Variants in PTPRN2 observed in about 807,000 individuals in gnomAD.
The protein encoded by PTPRN2 is protein tyrosine phosphatase receptor type N2.
In PTPRN2, 74 loss-of-function variants were observed where a neutral mutation model predicts 118.8. The ratio of observed to expected loss-of-function variants is 0.62; its 90% CI spans 0.52 to 0.76. The LOEUF (loss-of-function observed/expected upper bound fraction) is 0.76, where lower values mean the gene tolerates loss of function less well. Ranked by LOEUF, PTPRN2 falls within the 30% of genes least tolerant of loss-of-function variation. PTPRN2 has a pLI of 0.00. For missense variants in PTPRN2, 1,481 were observed against 1,394.4 expected (o/e 1.06, Z -0.99); for synonymous variants, 641 against 608.0 (o/e 1.05, Z -0.80).
chr7:158,523,627 C>CGTCTGCCCTGG (rs1824451155), intron 1 of PTPRN2, among the ~76,000 whole-genome samples: 4 of 117,894 alleles, frequency 3.4e-5, no homozygotes, highest in Non-Finnish European at 6.9e-5. Context: ...GGAGTGGAGT[C>CGTCTGCCCTGG]ATCTGCCCTG....
intron 10 of PTPRN2, among the ~76,000 whole-genome samples, chr7:158,101,502 A>G (rs150549347): frequency 6.6e-5 from 10 of 152,362 alleles, no homozygotes; most frequent in African/African-American, 1.9e-4. Flanking sequence ...AAATGCAACA[A>G]AAACAATGAT....
chr7:158,139,499 G>T (rs565426950), intron 6 of PTPRN2, among the ~76,000 whole-genome samples: 1 of 151,936 alleles, frequency 6.6e-6, no homozygotes, highest in Non-Finnish European at 1.5e-5. Context: ...GCACGGGGGG[G>T]TGGGAAAGGA....
chr7:157,783,018 G>A (rs533454483), intron 12 of PTPRN2, among the ~76,000 whole-genome samples: 3 of 152,158 alleles, frequency 2.0e-5, no homozygotes, highest in Non-Finnish European at 4.4e-5. Flanking sequence ...GATACCCCAT[G>A]CTGTTCTCAT....
chr7:157,837,205 C>A (rs112712725), intron 12 of PTPRN2, among the ~76,000 whole-genome samples: 104 of 141,948 alleles, frequency 7.3e-4, no homozygotes, highest in African/African-American at 2.7e-3. Flanking sequence ...CCACTCACTA[C>A]CACCTGTCCA....
intron 2 of PTPRN2, among the ~76,000 whole-genome samples, chr7:158,332,227 T>C (rs12539645): frequency 9.8e-6 from 1 of 102,366 alleles, no homozygotes; most frequent in Non-Finnish European, 2.0e-5. Flanking sequence ...CCACACTCTG[T>C]CCATAAGAGC....
chr7:158,449,225 A>C (rs1328343169), intron 2 of PTPRN2, among the ~76,000 whole-genome samples: 1 of 152,218 alleles, frequency 6.6e-6, no homozygotes, highest in Non-Finnish European at 1.5e-5. Context: ...GTCTCCAATG[A>C]CAGATACCAA....
chr7:158,406,041 CCG>C, intron 2 of PTPRN2, among the ~76,000 whole-genome samples: 1 of 141,182 alleles, frequency 7.1e-6, no homozygotes, highest in Non-Finnish European at 1.5e-5. Context: ...GGTGGCTCAT[CCG>C]TGAGACACGT....
chr7:158,004,905 G>C (rs368178479), intron 11 of PTPRN2, among the ~76,000 whole-genome samples: 1 of 152,088 alleles, frequency 6.6e-6, no homozygotes, highest in African/African-American at 2.4e-5. Context: ...AAACCTCTTA[G>C]GGTATGAAGT....
chr7:158,020,625 T>C (rs1806804365), intron 11 of PTPRN2, among the ~76,000 whole-genome samples: 1 of 152,128 alleles, frequency 6.6e-6, no homozygotes, highest in African/African-American at 2.4e-5. Context: ...CCCACCATGT[T>C]GGGGGTAAAA....
intron 2 of PTPRN2, among the ~76,000 whole-genome samples, chr7:158,393,101 C>T (rs1285308700): frequency 6.6e-6 from 1 of 152,076 alleles, no homozygotes; most frequent in African/African-American, 2.4e-5. Context: ...CCCAGGTGGC[C>T]CTGGTCTTAC....
At chr7:157,693,009 C>T (rs1797589411) in intron 12 of PTPRN2, among the ~76,000 whole-genome samples, 1 of 151,934 alleles carries the variant, frequency 6.6e-6, no homozygotes, top group Non-Finnish European at 1.5e-5. Flanking sequence ...CGTCCCCAGC[C>T]AGGCTCCAGG....
intron 12 of PTPRN2, among the ~76,000 whole-genome samples, chr7:157,820,083 T>G (rs866439030): frequency 6.7e-6 from 1 of 149,436 alleles, no homozygotes; most frequent in Admixed American, 6.7e-5. Context: ...ACAATGTATA[T>G]GCACACACAC....
chr7:158,275,049 T>A (rs376976560), intron 3 of PTPRN2, among the ~76,000 whole-genome samples: 55 of 152,284 alleles, frequency 3.6e-4, no homozygotes, highest in African/African-American at 1.3e-3. Context: ...AGCTGCCTTC[T>A]GAGGGTAAAG....
chr7:157,685,307 C>T (rs917747742), intron 12 of PTPRN2, among the ~76,000 whole-genome samples: 4 of 151,998 alleles, frequency 2.6e-5, no homozygotes, highest in Non-Finnish European at 5.9e-5. Flanking sequence ...TGGATGACTG[C>T]GCCCGGGAAC....
intron 2 of PTPRN2, among the ~76,000 whole-genome samples, chr7:158,388,255 G>T (rs553105051): frequency 4.3e-4 from 66 of 152,208 alleles, no homozygotes; most frequent in African/African-American, 1.5e-3. Flanking sequence ...GGGAAGCCAC[G>T]GTTCACGTCA....
rs1797427683 is a variant in PTPRN2 at position 157,690,592 on chromosome 7, T to G, written c.1789-7655A>C. The stretch of plus-strand genomic sequence containing the variant: ...CGCCCAGCGCCCGCGCGGGAGGAGG[T>G]GGGGGCGTGCGCCGGGCCGAGCGGC... On this transcript the variant is annotated intron_variant, in intron 12 of 22. Coordinates refer to ENST00000389418, the MANE Select transcript of PTPRN2 (RefSeq NM_002847.5). The surrounding 1 kb of genome is among the most constrained non-coding windows in gnomAD (Gnocchi z 7.1). Among the ~76,000 whole-genome samples, 1 of 150,032 alleles carries G rather than the reference T, an allele frequency of 6.7e-6. No homozygotes were observed. Among genetic ancestry groups the G allele is most frequent in the Admixed American group, 6.6e-5 (1 of 15,126 alleles).
At chr7:158,321,108 G>A (rs1454740076) in intron 2 of PTPRN2, among the ~76,000 whole-genome samples, 3 of 138,352 alleles carry the variant, frequency 2.2e-5, no homozygotes, top group Admixed American at 1.4e-4. Context: ...CTCCGGAGTC[G>A]GGACGCCAGG....
rs528233917 is a variant in PTPRN2, at chr7:157,619,845, C to T, written c.2344+1517G>A. On this transcript the variant is annotated intron_variant, in intron 15 of 22. Coordinates refer to ENST00000389418, the MANE Select transcript of PTPRN2 (RefSeq NM_002847.5). This position sits in a 1 kb window ranked among gnomAD's most constrained non-coding sequence, Gnocchi z 5.3. ...GGCGTGGGGGGCTGTGCTGCTGGTACGGGGACAGGCGGTGTCTCAGGGACA... is the reference window on the plus strand; with the variant it reads ...GGCGTGGGGGGCTGTGCTGCTGGTATGGGGACAGGCGGTGTCTCAGGGACA... Among the ~76,000 whole-genome samples, 56 of 152,304 alleles carry T rather than the reference C, an allele frequency of 3.7e-4. No individual in the cohort carries two copies. Among genetic ancestry groups the T allele is most frequent in the African/African-American group, 1.2e-3 (49 of 41,562 alleles).
Position 157,571,422 on chromosome 7 carries a change from A to G in PTPRN2, c.2837+18T>C. ...TGAGGTAGCCAAAACTTCTTAATCCATTAAAAGTTGTACTTGCCTGCAATG... is the reference window on the plus strand; with the variant it reads ...TGAGGTAGCCAAAACTTCTTAATCCGTTAAAAGTTGTACTTGCCTGCAATG... On this transcript the variant is annotated intron_variant, in intron 20 of 22. Transcript: ENST00000389418. 1 of 1,592,964 alleles carries G rather than the reference A, an allele frequency of 6.3e-7. No homozygotes were observed. The highest frequency in any genetic ancestry group is 8.6e-7 in the Non-Finnish European group (1 of 1,166,084).
Sources: allele counts gnomAD v4.1 joint callset (sites outside exome capture counted in the v4.1 genomes callset), GRCh38; gene constraint gnomAD v4.1.1; non-coding constraint Gnocchi (gnomAD v3.1); transcripts MANE v1.5; gene names NCBI Gene and HGNC (gene_info 2026-07-23, HGNC 2026-07-21).